EDA: variants seen among roughly 807,000 people sequenced by gnomAD.
EDA encodes the protein ectodysplasin A.
Under a neutral mutation model 23.6 loss-of-function variants are expected in EDA, and 2 were observed. The observed-to-expected ratio is 0.08, with a 90% CI of 0.03 to 0.27. The LOEUF (loss-of-function observed/expected upper bound fraction) is 0.27. Ranked by LOEUF, EDA falls within the 10% of genes least tolerant of loss-of-function variation. The pLI, the probability that EDA is intolerant of heterozygous loss-of-function variation, is 1.00. For synonymous variants in EDA, 131 were observed against 132.0 expected (o/e 0.99, Z 0.05); for missense variants, 229 against 324.2 (o/e 0.71, Z 2.26).
intron 1 of EDA, among the ~76,000 whole-genome samples, chrX:69,951,176 A>G (rs941517585): frequency 9.0e-6 from 1 of 110,960 alleles, no homozygotes; most frequent in African/African-American, 3.3e-5. Flanking sequence ...ATAAAGAAAA[A>G]TAAAAAAAAA....
intron 1 of EDA, among the ~76,000 whole-genome samples, chrX:69,830,061 G>C (rs1200457264): frequency 9.3e-6 from 1 of 107,737 alleles, no homozygotes; most frequent in East Asian, 2.8e-4. Flanking sequence ...ATTTCCATTA[G>C]TCTTCCGGCT....
intron 1 of EDA, among the ~76,000 whole-genome samples, chrX:69,761,315 A>G (rs753285762): frequency 3.6e-5 from 4 of 111,179 alleles, no homozygotes; most frequent in African/African-American, 1.3e-4. Flanking sequence ...GATAACCACT[A>G]TGGGTTCTTA....
intron 1 of EDA, among the ~76,000 whole-genome samples, chrX:69,827,701 G>A (rs944666214): frequency 1.8e-5 from 2 of 112,078 alleles, no homozygotes; most frequent in South Asian, 3.7e-4. Context: ...CTCTCAGCTC[G>A]TCAAAGTCAT....
intron 1 of EDA, chrX:69,937,198 CT>C (rs2018686291): frequency 9.3e-7 from 1 of 1,078,195 alleles, no homozygotes; most frequent in African/African-American, 1.8e-5. Context: ...TATGCATTCC[CT>C]GTGCCATTCT....
At chrX:69,638,010 A>G (rs1932798171) in intron 1 of EDA, among the ~76,000 whole-genome samples, 1 of 111,158 alleles carries the variant, frequency 9.0e-6, no homozygotes, top group Admixed American at 9.6e-5. Context: ...ATTCTGTCAC[A>G]TTTCCAATAT....
chrX:69,648,323 G>T (rs1932987290), intron 1 of EDA, among the ~76,000 whole-genome samples: 1 of 111,936 alleles, frequency 8.9e-6, no homozygotes, highest in South Asian at 3.8e-4. Flanking sequence ...AGAGATGGAG[G>T]CCACCCTTTC....
chrX:69,937,394 T>A (rs1216607945), intron 1 of EDA: 3 of 668,611 alleles, frequency 4.5e-6, no homozygotes, highest in Non-Finnish European at 7.5e-6. Context: ...CCTCCTGTAA[T>A]CCATCTTTGA....
At chrX:69,732,907 A>G (rs1200507705) in intron 1 of EDA, among the ~76,000 whole-genome samples, 1 of 111,352 alleles carries the variant, frequency 9.0e-6, no homozygotes, top group African/African-American at 3.3e-5. Flanking sequence ...TCTTTTGAGA[A>G]GTGTCTGTTC....
At chrX:69,785,962 A>G (rs757955914) in intron 1 of EDA, among the ~76,000 whole-genome samples, 11 of 110,906 alleles carry the variant, frequency 9.9e-5, no homozygotes, top group East Asian at 2.8e-4. Context: ...TTATTGCCGC[A>G]ATTTCAGCTC....
chrX:69,755,943 A>G (rs1179273070), intron 1 of EDA, among the ~76,000 whole-genome samples: 2 of 111,793 alleles, frequency 1.8e-5, no homozygotes, highest in African/African-American at 6.5e-5. Flanking sequence ...GAGTGTCCCA[A>G]TTTTCCAGGT....
intron 1 of EDA, among the ~76,000 whole-genome samples, chrX:69,654,974 A>G (rs1345713570): frequency 9.0e-6 from 1 of 110,958 alleles, no homozygotes; most frequent in South Asian, 3.9e-4. Flanking sequence ...AAAAAACAAA[A>G]AAAAGAACAA....
chrX:69,763,238 T>A (rs1378243183), intron 1 of EDA, among the ~76,000 whole-genome samples: 4 of 112,279 alleles, frequency 3.6e-5, no homozygotes, highest in African/African-American at 1.3e-4. Flanking sequence ...TCAGCTTTAG[T>A]AGTCATCCTG....
At chrX:69,689,219 TTTA>T (rs200913498) in intron 1 of EDA, among the ~76,000 whole-genome samples, 1,297 of 110,370 alleles carry the variant, frequency 0.012, 16 homozygotes, top group Non-Finnish European at 0.018. Flanking sequence ...TTTTTTTTTA[TTTA>T]TTATTATTAT....
intron 2 of EDA, among the ~76,000 whole-genome samples, chrX:69,977,988 C>A (rs2382967): frequency 0.089 from 9,793 of 109,796 alleles, 848 homozygotes; most frequent in East Asian, 0.61. Flanking sequence ...GTGGGATGTC[C>A]TTACGTTTGC....
At chrX:69,743,514 A>T (rs1047966486) in intron 1 of EDA, among the ~76,000 whole-genome samples, 2 of 111,913 alleles carry the variant, frequency 1.8e-5, no homozygotes, top group African/African-American at 6.5e-5. Flanking sequence ...CATAGAGCTG[A>T]TTCCCTGGGC....
intron 1 of EDA, among the ~76,000 whole-genome samples, chrX:69,638,204 A>G (rs1258280444): frequency 5.4e-5 from 6 of 111,962 alleles, no homozygotes; most frequent in African/African-American, 1.6e-4. Context: ...GCCCACCCCC[A>G]TAATATTGAC....
intron 1 of EDA, among the ~76,000 whole-genome samples, chrX:69,828,206 C>T (rs769080496): frequency 2.7e-5 from 3 of 112,322 alleles, no homozygotes; most frequent in South Asian, 7.5e-4. Flanking sequence ...GGCAGGCCTC[C>T]TTGAGCTGTG....
At chrX:69,911,901 TCTTAAAATAAG>T (rs2018272482) in intron 1 of EDA, among the ~76,000 whole-genome samples, 1 of 112,461 alleles carries the variant, frequency 8.9e-6, no homozygotes, top group Non-Finnish European at 1.9e-5. Context: ...TGTGGCACTT[TCTTAAAATAAG>T]ACAACAATAA....
intron 1 of EDA, among the ~76,000 whole-genome samples, chrX:69,713,452 A>G (rs1216401871): frequency 9.0e-6 from 1 of 111,513 alleles, no homozygotes; most frequent in East Asian, 2.8e-4. Flanking sequence ...GAGATACAGA[A>G]CAGTTCCAAC....
Sources: gnomAD v4.1 joint callset for allele counts (sites outside exome capture counted in the v4.1 genomes callset) on GRCh38, gnomAD v4.1.1 for gene constraint, MANE v1.5 for transcripts, NCBI Gene and HGNC (gene_info 2026-07-23, HGNC 2026-07-21) for gene names.